NMNAT2: variants seen among roughly 807,000 people sequenced by gnomAD.
NMNAT2 encodes nicotinamide nucleotide adenylyltransferase 2, also known as nicotinamide/nicotinic acid mononucleotide adenylyltransferase 2.
NMNAT2 carries 11 observed loss-of-function variants against 41.6 expected under a neutral mutation model. That is an observed-to-expected ratio of 0.26 (90% CI 0.17 to 0.44). The LOEUF is 0.44. NMNAT2 is among the 20% of genes least tolerant of loss of function. The pLI, the probability that NMNAT2 is intolerant of heterozygous loss-of-function variation, is 1.00. For synonymous variants in NMNAT2, 148 were observed against 151.2 expected (o/e 0.98, Z 0.16); for missense variants, 288 against 407.7 (o/e 0.71, Z 2.53).
Position 183,356,382 on chromosome 1 carries a change from G to A in NMNAT2, c.85+61801C>T, listed in dbSNP as rs1018917571. Among the ~76,000 whole-genome samples the A allele has an allele frequency of 2.0e-5, 3 of 152,168 alleles. No homozygotes were observed. The East Asian group carries it at 5.8e-4, about 29-fold the overall frequency. ...CAGTCAGCCTGTTGGGTGCCTTTAA[G>A]CAGCTCATTGGATCCCAAAAGCTTT... On this transcript the variant is annotated intron_variant, in intron 1 of 10. Transcript: ENST00000287713.
At chr1:183,413,336 C>A (rs1178310811) in intron 1 of NMNAT2, among the ~76,000 whole-genome samples, 1 of 152,086 alleles carries the variant, frequency 6.6e-6, no homozygotes, top group Non-Finnish European at 1.5e-5. Context: ...CCTTTCACCT[C>A]AGCCTCCTGT....
At chr1:183,366,332 T>C (rs502849) in intron 1 of NMNAT2, among the ~76,000 whole-genome samples, 84,937 of 152,176 alleles carry the variant, frequency 0.56, 24,067 homozygotes, top group East Asian at 0.69. Flanking sequence ...ATCTACTTCA[T>C]AGGGTCATTT....
At chr1:183,359,170 A>G (rs1663256129) in intron 1 of NMNAT2, among the ~76,000 whole-genome samples, 1 of 152,100 alleles carries the variant, frequency 6.6e-6, no homozygotes, top group Admixed American at 6.5e-5. Context: ...ATTCTATCAC[A>G]TTTGCAGAAA....
intron 1 of NMNAT2, among the ~76,000 whole-genome samples, chr1:183,327,525 A>G (rs780898597): frequency 4.6e-5 from 7 of 152,246 alleles, no homozygotes; most frequent in Non-Finnish European, 1.0e-4. Context: ...GCTCATGTAT[A>G]CCAGTGCTTC....
intron 1 of NMNAT2, among the ~76,000 whole-genome samples, chr1:183,321,895 T>A (rs1662363311): frequency 6.6e-6 from 1 of 152,204 alleles, no homozygotes; most frequent in South Asian, 2.1e-4. Context: ...CACAGCTCAC[T>A]GCAGCCTCGA....
chr1:183,377,683 C>G (rs1231785395), intron 1 of NMNAT2, among the ~76,000 whole-genome samples: 1 of 152,106 alleles, frequency 6.6e-6, no homozygotes, highest in African/African-American at 2.4e-5. Flanking sequence ...ATCTACTGTC[C>G]TATACAACAT....
At chr1:183,361,577 A>G (rs1208920762) in intron 1 of NMNAT2, among the ~76,000 whole-genome samples, 4 of 141,952 alleles carry the variant, frequency 2.8e-5, no homozygotes, top group Non-Finnish European at 6.2e-5. Context: ...GAACAAGTGA[A>G]AGTGGCAATG....
intron 1 of NMNAT2, among the ~76,000 whole-genome samples, chr1:183,380,882 G>C (rs1307441528): frequency 1.3e-5 from 2 of 152,178 alleles, no homozygotes. Flanking sequence ...TTCCCACATT[G>C]TTGTGCAGGT....
chr1:183,341,041 C>G (rs595164), intron 1 of NMNAT2, among the ~76,000 whole-genome samples: 107,746 of 152,162 alleles, frequency 0.71, 38,298 homozygotes, highest in East Asian at 0.9. Flanking sequence ...GTTCTGACAG[C>G]CTGGGCGACT....
intron 1 of NMNAT2, among the ~76,000 whole-genome samples, chr1:183,356,395 T>C (rs535777341): frequency 6.6e-6 from 1 of 152,108 alleles, no homozygotes; most frequent in African/African-American, 2.4e-5. Context: ...GCTCATTGGA[T>C]CCCAAAAGCT....
At chr1:183,331,658 C>T (rs1034232923) in intron 1 of NMNAT2, among the ~76,000 whole-genome samples, 2 of 152,272 alleles carry the variant, frequency 1.3e-5, no homozygotes, top group Admixed American at 1.3e-4. Flanking sequence ...GCCTTCCAGA[C>T]AGCCTGGCGC....
At chr1:183,262,307 G>GA (rs34544289) in intron 8 of NMNAT2, among the ~76,000 whole-genome samples, 8 of 143,796 alleles carry the variant, frequency 5.6e-5, no homozygotes, top group South Asian at 2.2e-4. Flanking sequence ...AGAGAATCCA[G>GA]AAAAAAAAAA....
rs1663450849 is a variant in NMNAT2, at chr1:183,368,001, T to A, written c.85+50182A>T. Among the ~76,000 whole-genome samples, 4 of 152,068 alleles carry A rather than the reference T, an allele frequency of 2.6e-5. No individual in the cohort carries two copies. In the South Asian group the frequency reaches 8.3e-4, roughly 32 times the overall value. ...GAGAGCAAGCATCTAGAAACTTCTG[T>A]AGTGATTTTGGTAGGTCTATGTATG... is the stretch of plus-strand genomic sequence containing the variant. On this transcript the variant is annotated intron_variant, in intron 1 of 10. Coordinates refer to ENST00000287713, the MANE Select transcript of NMNAT2 (RefSeq NM_015039.4).
intron 1 of NMNAT2, among the ~76,000 whole-genome samples, chr1:183,331,002 T>TCA (rs1662571149): frequency 6.6e-6 from 1 of 152,114 alleles, no homozygotes; most frequent in Admixed American, 6.5e-5. Context: ...TCATTTCTTT[T>TCA]TTTCTCTCTC....
At chr1:183,340,403 A>G (rs1314211843) in intron 1 of NMNAT2, among the ~76,000 whole-genome samples, 1 of 150,276 alleles carries the variant, frequency 6.7e-6, no homozygotes, top group Non-Finnish European at 1.5e-5. Flanking sequence ...GCTCACTGCA[A>G]TCTACACCTC....
intron 1 of NMNAT2, among the ~76,000 whole-genome samples, chr1:183,369,594 G>A (rs1056116597): frequency 6.6e-6 from 1 of 151,790 alleles, no homozygotes; most frequent in African/African-American, 2.4e-5. Flanking sequence ...TTTTTCAATT[G>A]TGGTAAATAT....
chr1:183,355,172 C>G (rs982487418), intron 1 of NMNAT2, among the ~76,000 whole-genome samples: 1 of 152,194 alleles, frequency 6.6e-6, no homozygotes, highest in Non-Finnish European at 1.5e-5. Context: ...CTCACCTATT[C>G]ATCCTTCAAG....
rs73055743 is a variant in NMNAT2 at position 183,282,184 on chromosome 1, G to T, written c.574+1811C>A. ...CACTGTCCTTTCTCCATCACATGCA[G>T]GTAGACCCTCCCTCTCAGCGAGCAC... On this transcript the variant is annotated intron_variant, in intron 7 of 10. Transcript: ENST00000287713. Among the ~76,000 whole-genome samples, 659 of 152,310 alleles carry T rather than the reference G, an allele frequency of 4.3e-3. 2 individuals carry two copies. The highest frequency in any genetic ancestry group is 0.014 in the African/African-American group (565 of 41,568).
intron 8 of NMNAT2, among the ~76,000 whole-genome samples, chr1:183,264,514 A>C (rs1195022168): frequency 6.6e-6 from 1 of 152,136 alleles, no homozygotes; most frequent in Non-Finnish European, 1.5e-5. Flanking sequence ...GCAGGGGTTC[A>C]GGCCAGAGAC....
Sources: allele counts gnomAD v4.1 joint callset (sites outside exome capture counted in the v4.1 genomes callset), GRCh38; gene constraint gnomAD v4.1.1; transcripts MANE v1.5; gene names NCBI Gene and HGNC (gene_info 2026-07-23, HGNC 2026-07-21).